The following HHAT variants were observed in gnomAD, a reference collection of about 807,000 sequenced individuals.
The protein encoded by HHAT is hedgehog acyltransferase.
Under a neutral mutation model 70.8 loss-of-function variants are expected in HHAT, and 47 were observed. That is an observed-to-expected ratio of 0.66 (90% CI 0.53 to 0.85). HHAT has a LOEUF of 0.85. HHAT is among the 40% of genes least tolerant of loss of function. HHAT has a pLI of 0.00. For synonymous variants in HHAT, 228 were observed against 247.6 expected, an observed-to-expected ratio of 0.92 and a Z score of 0.74; for missense variants, 609 against 604.8, an observed-to-expected ratio of 1.01 and a Z score of -0.07.
At chr1:210,612,262 C>G (rs1666749271) in intron 10 of HHAT, among the ~76,000 whole-genome samples, 1 of 152,154 alleles carries the variant, frequency 6.6e-6, no homozygotes, top group Admixed American at 6.5e-5. Flanking sequence ...ACCATCACCA[C>G]CCTCAATCTC....
chr1:210,441,814 GTA>G (rs201142797), intron 7 of HHAT, among the ~76,000 whole-genome samples: 1,522 of 151,788 alleles, frequency 0.01, 35 homozygotes, highest in African/African-American at 0.035. Flanking sequence ...ATGTGTATAT[GTA>G]TATATATGTA....
intron 3 of HHAT, among the ~76,000 whole-genome samples, chr1:210,386,222 C>CTTTTCTTCTTTT (rs2091028237): frequency 1.4e-5 from 1 of 69,892 alleles, no homozygotes; most frequent in African/African-American, 5.3e-5. Context: ...GAGTCCTTTT[C>CTTTTCTTCTTTT]TTTTTTTCTT....
At chr1:210,374,204 T>C (rs1450061151) in intron 3 of HHAT, 5 of 152,210 alleles carry the variant, frequency 3.3e-5, no homozygotes, top group Non-Finnish European at 7.3e-5. Flanking sequence ...ACTGATTTGT[T>C]TCTCTCCACG....
chr1:210,618,758 G>A (rs1382943663), intron 10 of HHAT, among the ~76,000 whole-genome samples: 3 of 152,188 alleles, frequency 2.0e-5, no homozygotes, highest in East Asian at 1.9e-4. Flanking sequence ...CCCCATCCCC[G>A]GCTTGTTTGC....
intron 11 of HHAT, among the ~76,000 whole-genome samples, chr1:210,673,898 G>A (rs1680664350): frequency 6.6e-6 from 1 of 150,734 alleles, no homozygotes; most frequent in African/African-American, 2.4e-5. Context: ...GCCTTCCAAA[G>A]TGCCGGGATT....
intron 11 of HHAT, among the ~76,000 whole-genome samples, chr1:210,627,535 T>G (rs1457286533): frequency 6.6e-6 from 1 of 152,106 alleles, no homozygotes; most frequent in Non-Finnish European, 1.5e-5. Flanking sequence ...CCCTTCCCTT[T>G]CTGTTGTGCC....
At chr1:210,614,740 CTCA>C (rs1573743789) in intron 10 of HHAT, among the ~76,000 whole-genome samples, 1 of 152,186 alleles carries the variant, frequency 6.6e-6, no homozygotes, top group Non-Finnish European at 1.5e-5. Context: ...AGGACATGAA[CTCA>C]TCATTTTTTA....
At chr1:210,366,188 A>G (rs2088945157) in intron 3 of HHAT, among the ~76,000 whole-genome samples, 1 of 152,152 alleles carries the variant, frequency 6.6e-6, no homozygotes, top group African/African-American at 2.4e-5. Flanking sequence ...CTGGGGTTAC[A>G]GGTGTGAGCT....
At chr1:210,330,187 A>C (rs976549908) in intron 1 of HHAT, among the ~76,000 whole-genome samples, 1 of 152,150 alleles carries the variant, frequency 6.6e-6, no homozygotes, top group Non-Finnish European at 1.5e-5. Context: ...TTCCCCTTCC[A>C]TTCCTCATGT....
intron 9 of HHAT, among the ~76,000 whole-genome samples, chr1:210,543,962 G>A (rs2095457031): frequency 6.6e-6 from 1 of 152,112 alleles, no homozygotes; most frequent in African/African-American, 2.4e-5. Context: ...GCAGTTCTTG[G>A]TCCCAGAACA....
chr1:210,492,388 C>T (rs1031121789), intron 8 of HHAT, among the ~76,000 whole-genome samples: 3 of 152,278 alleles, frequency 2.0e-5, no homozygotes, highest in African/African-American at 7.2e-5. Flanking sequence ...TTGATCATTT[C>T]TATATATCTC....
intron 7 of HHAT, among the ~76,000 whole-genome samples, chr1:210,437,063 T>A (rs981249914): frequency 5.3e-5 from 8 of 151,872 alleles, no homozygotes; most frequent in Admixed American, 2.0e-4. Context: ...TCTTCCACTC[T>A]TTGAATACTG....
At chr1:210,550,775 T>G (rs1203949535) in intron 9 of HHAT, among the ~76,000 whole-genome samples, 1 of 148,802 alleles carries the variant, frequency 6.7e-6, no homozygotes, top group Non-Finnish European at 1.5e-5. Context: ...GTTCAAGTGA[T>G]TCTCCTGCCT....
At position 210,672,266 on chromosome 1, in the gene HHAT, C is replaced by T. The variant is rs192891319; in HGVS notation, c.1391-2022C>T. On this transcript the variant is annotated intron_variant, in intron 11 of 11. Coordinates refer to ENST00000261458, the MANE Select transcript of HHAT (RefSeq NM_018194.6). The stretch of plus-strand genomic sequence containing the variant: ...CCCCATGCCATATTAATAATCATGA[C>T]AGCTAATGGTTGACATAACAAGAAG... Among the ~76,000 whole-genome samples the T allele has an allele frequency of 3.9e-4, 60 of 152,340 alleles. No individual in the cohort carries two copies. In the East Asian group the frequency reaches 0.012, roughly 29 times the overall value.
chr1:210,604,531 TGTG>T (rs1393923278), intron 10 of HHAT, among the ~76,000 whole-genome samples: 3 of 152,126 alleles, frequency 2.0e-5, no homozygotes, highest in Non-Finnish European at 4.4e-5. Context: ...CTAAAATAAT[TGTG>T]GTGGTTAACT....
At chr1:210,503,156 C>T (rs752404701) in intron 8 of HHAT, among the ~76,000 whole-genome samples, 51 of 152,112 alleles carry the variant, frequency 3.4e-4, no homozygotes, top group Non-Finnish European at 6.5e-4. Context: ...GACAGGGTTT[C>T]GCCATGTTGG....
intron 11 of HHAT, among the ~76,000 whole-genome samples, chr1:210,668,396 G>A (rs994572963): frequency 1.3e-5 from 2 of 152,148 alleles, no homozygotes; most frequent in South Asian, 2.1e-4. Context: ...GGAAGGACCC[G>A]GTGGGAGGTA....
In HHAT at chr1:210,674,355, G is replaced by A; in HGVS notation, c.1458G>A (p.Trp486Ter). The A allele has an allele frequency of 6.2e-7, 1 of 1,614,102 alleles. No individual in the cohort carries two copies. Among genetic ancestry groups the A allele is most frequent in the East Asian group, 2.2e-5 (1 of 44,872 alleles). Residue 486 changes from tryptophan (W) to a stop codon, truncating the protein, a stop_gained, in exon 12 of 12, where the codon TGG becomes TGA. Coordinates refer to ENST00000261458, the MANE Select transcript of HHAT (RefSeq NM_018194.6). LOFTEE classifies it high-confidence loss of function. ...GCTACTCCCACGTGGGCATTGCCTG[G>A]GCCCAGACCTACGCCACGGACTAAT... is the stretch of plus-strand genomic sequence containing the variant. ...LYCYSHVGIA[W>*]AQTYATD
intron 1 of HHAT, among the ~76,000 whole-genome samples, chr1:210,338,174 C>T (rs749755753): frequency 1.3e-4 from 15 of 112,612 alleles, no homozygotes; most frequent in African/African-American, 4.8e-4. Context: ...TAGTGAGACC[C>T]GCCCCCATTT....
Sources: allele counts gnomAD v4.1 joint callset (sites outside exome capture counted in the v4.1 genomes callset), GRCh38; gene constraint gnomAD v4.1.1; transcripts MANE v1.5; gene names NCBI Gene and HGNC (gene_info 2026-07-23, HGNC 2026-07-21).